Variants in LGR5 observed in about 807,000 individuals in gnomAD.
The protein encoded by LGR5 is leucine-rich repeat-containing G protein-coupled receptor 5.
Under a neutral mutation model 76.7 loss-of-function variants are expected in LGR5, and 54 were observed. The ratio of observed to expected loss-of-function variants is 0.70; its 90% CI spans 0.57 to 0.88. The LOEUF is 0.88. Ranked by LOEUF, LGR5 falls within the 40% of genes least tolerant of loss-of-function variation. The probability of loss-of-function intolerance (pLI) is 0.00; values close to 1 mark genes in which losing one functional copy is unlikely to be tolerated. For synonymous variants in LGR5, 406 were observed against 421.9 expected, an observed-to-expected ratio of 0.96 and a Z score of 0.46; for missense variants, 1,078 against 1,073.3, an observed-to-expected ratio of 1.00 and a Z score of -0.06.
chr12:71,542,015 G>A (rs1395635861), intron 4 of LGR5, among the ~76,000 whole-genome samples: 1 of 152,154 alleles, frequency 6.6e-6, no homozygotes, highest in African/African-American at 2.4e-5. Flanking sequence ...AAGGGAAGTT[G>A]GAATGCTGGA....
intron 1 of LGR5, among the ~76,000 whole-genome samples, chr12:71,458,717 T>G (rs186017636): frequency 6.9e-6 from 1 of 144,016 alleles, no homozygotes; most frequent in African/African-American, 2.9e-5. Context: ...ATTTATCCGT[T>G]TATTCACACA....
chr12:71,446,138 A>G (rs1871978117), intron 1 of LGR5, among the ~76,000 whole-genome samples: 1 of 152,206 alleles, frequency 6.6e-6, no homozygotes, highest in Non-Finnish European at 1.5e-5. Flanking sequence ...ATTGAGTAGA[A>G]TTGGCTGAAC....
At chr12:71,572,380 C>G (rs568951524) in intron 12 of LGR5, among the ~76,000 whole-genome samples, 2 of 152,310 alleles carry the variant, frequency 1.3e-5, no homozygotes, top group Admixed American at 6.5e-5. Context: ...CCGCGCCCGG[C>G]CAAACTTGTT....
In LGR5 at chr12:71,584,447, G is replaced by T. The variant is rs750868005; in HGVS notation, c.2437G>T (p.Ala813Ser). The T allele has an allele frequency of 1.2e-5, 19 of 1,613,974 alleles. No individual in the cohort carries two copies. Among genetic ancestry groups the T allele is most frequent in the South Asian group, 2.2e-5 (2 of 91,072 alleles). ...CCTTCTGGTGGTAGTCCCACTTCCT[G>T]CATGTCTCAATCCCCTTCTCTACAT... ...FILLVVVPLP[A>S]CLNPLLYILF... Residue 813 changes from alanine to serine, a missense_variant, in exon 18 of 18, where the codon GCA (alanine) becomes TCA (serine). Coordinates refer to ENST00000266674, the MANE Select transcript of LGR5 (RefSeq NM_003667.4).
intron 11 of LGR5, among the ~76,000 whole-genome samples, chr12:71,568,739 A>G (rs1878466978): frequency 6.6e-6 from 1 of 152,130 alleles, no homozygotes; most frequent in Non-Finnish European, 1.5e-5. Flanking sequence ...CCCCTAGTAC[A>G]AGGTGCTTTA....
intron 2 of LGR5, among the ~76,000 whole-genome samples, chr12:71,515,891 C>T (rs1486024186): frequency 3.3e-5 from 5 of 152,174 alleles, no homozygotes; most frequent in Admixed American, 1.3e-4. Flanking sequence ...GGCTTCCATG[C>T]TCCATAAGAA....
chr12:71,577,044 A>T (rs564838436), intron 13 of LGR5, among the ~76,000 whole-genome samples: 1 of 152,272 alleles, frequency 6.6e-6, no homozygotes, highest in South Asian at 2.1e-4. Context: ...TTCAAATGAG[A>T]ATGTAAATAT....
At chr12:71,450,869 T>C (rs981917494) in intron 1 of LGR5, among the ~76,000 whole-genome samples, 1 of 152,186 alleles carries the variant, frequency 6.6e-6, no homozygotes, top group Non-Finnish European at 1.5e-5. Context: ...CCTCTGGTCA[T>C]GTCTTACCTA....
chr12:71,471,208 G>A (rs371408332), intron 1 of LGR5, among the ~76,000 whole-genome samples: 3 of 152,252 alleles, frequency 2.0e-5, no homozygotes, highest in East Asian at 3.9e-4. Flanking sequence ...ACCATAATGG[G>A]TAAGAATAAG....
rs1015521151 is a variant in LGR5 at position 71,550,169 on chromosome 12, A to AT, written c.429-2894dup. Among the ~76,000 whole-genome samples the AT allele has an allele frequency of 2.0e-3, 296 of 149,714 alleles. 1 individual carries two copies. The highest frequency in any genetic ancestry group is 5.8e-3 in the African/African-American group (237 of 40,834). On this transcript the variant is annotated intron_variant, in intron 4 of 17. Coordinates refer to ENST00000266674, the MANE Select transcript of LGR5 (RefSeq NM_003667.4). Reference sequence around the variant, plus strand: ...TCATTTTCAAGACTTTTATTTTTTTATTTTTTTTTTATTTTCTGTTGGCCA... The same window carrying AT: ...TCATTTTCAAGACTTTTATTTTTTTATTTTTTTTTTTATTTTCTGTTGGCCA...
chr12:71,457,151 C>T (rs1322373881), intron 1 of LGR5, among the ~76,000 whole-genome samples: 1 of 152,166 alleles, frequency 6.6e-6, no homozygotes, highest in Non-Finnish European at 1.5e-5. Context: ...TAAGGGGTTA[C>T]TAGTTCTTTT....
chr12:71,532,600 C>T (rs539630202), intron 3 of LGR5, among the ~76,000 whole-genome samples: 2 of 152,190 alleles, frequency 1.3e-5, no homozygotes, highest in South Asian at 2.1e-4. Context: ...TATATGAGCA[C>T]GTATTTATAT....
chr12:71,482,475 C>T (rs1167822031), intron 1 of LGR5, among the ~76,000 whole-genome samples: 1 of 151,934 alleles, frequency 6.6e-6, no homozygotes, highest in Non-Finnish European at 1.5e-5. Flanking sequence ...AGGACAACAG[C>T]CATATAAAAT....
chr12:71,539,712 A>G (rs1049883212), intron 4 of LGR5, among the ~76,000 whole-genome samples: 4 of 152,314 alleles, frequency 2.6e-5, no homozygotes, highest in Non-Finnish European at 5.9e-5. Context: ...GCCTGAGCTC[A>G]AGTAATCTGC....
In LGR5 at chr12:71,566,931, A is replaced by G; in HGVS notation, c.1070+19A>G. On this transcript the variant is annotated intron_variant, in intron 11 of 17. Coordinates refer to ENST00000266674, the MANE Select transcript of LGR5 (RefSeq NM_003667.4). Reference sequence around the variant, plus strand: ...AAGTGCTGTGCGTATCAGTAAGGCAATAATGTTGTGTAAACAGGCAACTTC... The same window carrying G: ...AAGTGCTGTGCGTATCAGTAAGGCAGTAATGTTGTGTAAACAGGCAACTTC... The G allele has an allele frequency of 6.3e-7, 1 of 1,588,562 alleles. No individual in the cohort carries two copies. The highest frequency in any genetic ancestry group is 8.6e-7 in the Non-Finnish European group (1 of 1,156,736).
intron 15 of LGR5, 61 bp downstream of exon 15, chr12:71,578,990 T>C: frequency 7.0e-7 from 1 of 1,435,894 alleles, no homozygotes; most frequent in Non-Finnish European, 9.4e-7. Flanking sequence ...ATAGATGTAT[T>C]ATAGTGGTGT....
chr12:71,511,037 G>A (rs1178297853), intron 2 of LGR5, among the ~76,000 whole-genome samples: 2 of 152,156 alleles, frequency 1.3e-5, no homozygotes, highest in Non-Finnish European at 2.9e-5. Flanking sequence ...AAGAGCAATG[G>A]GAAGCCATTG....
At chr12:71,557,603 C>T (rs779387516) in intron 6 of LGR5, among the ~76,000 whole-genome samples, 8 of 152,134 alleles carry the variant, frequency 5.3e-5, no homozygotes, top group Non-Finnish European at 8.8e-5. Flanking sequence ...GTCAAGCCAG[C>T]GGACCATATC....
chr12:71,580,354 T>C lies in LGR5; in HGVS notation c.1483T>C (p.Trp495Arg). 4.3e-6 allele frequency: 7 copies of C among 1,614,006 alleles called. No individual in the cohort carries two copies. The highest frequency in any genetic ancestry group is 5.9e-6 in the Non-Finnish European group (7 of 1,179,928). The stretch of plus-strand genomic sequence containing the variant: ...GAATGCCTATAAGATTTCTAATCAA[T>C]GGAATAAAGGTGACAACAGCAGTAT... ...CENAYKISNQ[W>R]NKGDNSSMDD... The change falls in exon 16 of 18, where the codon TGG becomes CGG. Residue 495 changes from tryptophan to arginine, a missense_variant. Physicochemically the swap from Trp to Arg is moderately radical, Grantham distance 101. Coordinates refer to ENST00000266674, the MANE Select transcript of LGR5 (RefSeq NM_003667.4).
Sources: allele counts gnomAD v4.1 joint callset (sites outside exome capture counted in the v4.1 genomes callset), GRCh38; gene constraint gnomAD v4.1.1; transcripts MANE v1.5; gene names NCBI Gene and HGNC (gene_info 2026-07-23, HGNC 2026-07-21).